The following ERBB4 variants were observed in gnomAD, a reference collection of about 807,000 sequenced individuals.
ERBB4 encodes receptor tyrosine-protein kinase erbB-4.
In ERBB4, 42 loss-of-function variants were observed where a neutral mutation model predicts 158.0. That is an observed-to-expected ratio of 0.27 (90% confidence interval 0.21 to 0.34). The LOEUF (loss-of-function observed/expected upper bound fraction) is 0.34. ERBB4 is among the 10% of genes least tolerant of loss of function. The pLI is 1.00. For missense variants in ERBB4, 1,333 were observed against 1,624.1 expected, an observed-to-expected ratio of 0.82 and a Z score of 3.08; for synonymous variants, 583 against 558.7, an observed-to-expected ratio of 1.04 and a Z score of -0.61.
At chr2:212,068,985 C>T (rs978220428) in intron 2 of ERBB4, among the ~76,000 whole-genome samples, 1 of 152,090 alleles carries the variant, frequency 6.6e-6, no homozygotes, top group Non-Finnish European at 1.5e-5. Flanking sequence ...CATACATGCT[C>T]TCTTGCCTGC....
At chr2:212,277,176 TG>T (rs1318922471) in intron 1 of ERBB4, among the ~76,000 whole-genome samples, 2 of 151,738 alleles carry the variant, frequency 1.3e-5, no homozygotes, top group Admixed American at 1.3e-4. Flanking sequence ...TTAAGGGCAG[TG>T]GGCTGCGATA....
At chr2:212,534,876 A>T (rs1692957850) in intron 1 of ERBB4, among the ~76,000 whole-genome samples, 1 of 152,200 alleles carries the variant, frequency 6.6e-6, no homozygotes, top group Non-Finnish European at 1.5e-5. Context: ...AGCCAATGCA[A>T]ACTTACTGTG....
intron 5 of ERBB4, among the ~76,000 whole-genome samples, chr2:211,746,804 T>C (rs1348178537): frequency 7.4e-6 from 1 of 135,996 alleles, no homozygotes; most frequent in Non-Finnish European, 1.5e-5. Context: ...CACTCCAGCC[T>C]GGGTGACAGA....
intron 3 of ERBB4, among the ~76,000 whole-genome samples, chr2:211,831,224 T>A (rs2077211634): frequency 6.6e-6 from 1 of 152,132 alleles, no homozygotes; most frequent in South Asian, 2.1e-4. Context: ...TTTCAAAATT[T>A]CAGAGTTAAG....
chr2:211,886,438 G>A (rs1200581546), intron 3 of ERBB4, among the ~76,000 whole-genome samples: 1 of 152,114 alleles, frequency 6.6e-6, no homozygotes, highest in Non-Finnish European at 1.5e-5. Flanking sequence ...AAATAAAAAT[G>A]AAAGAAGGAT....
Position 211,485,875 on chromosome 2 carries a change from GAAAT to G in ERBB4, c.2488-54779_2488-54776del, listed in dbSNP as rs538905240. On this transcript the variant is annotated intron_variant, in intron 20 of 27. Transcript: ENST00000342788. ...GTATAATAAAAAAAGAAAAAGAAAAGAAATAAAAGGCATTACAGAAATCGTCAGG... is the reference window on the plus strand; with the variant it reads ...GTATAATAAAAAAAGAAAAAGAAAAGAAAAGGCATTACAGAAATCGTCAGG... Among the ~76,000 whole-genome samples, 388 of 151,896 alleles carry G rather than the reference GAAAT, an allele frequency of 2.6e-3. 1 individual carries two copies. Among genetic ancestry groups the G allele is most frequent in the Non-Finnish European group, 4.5e-3 (304 of 67,942 alleles).
chr2:212,188,238 CCCCCTCTCA>C (rs2082082785), intron 1 of ERBB4, among the ~76,000 whole-genome samples: 1 of 40,382 alleles, frequency 2.5e-5, no homozygotes, highest in Admixed American at 2.9e-4. Context: ...CTCTCTCCCC[CCCCCTCTCA>C]CCCCCTCCCT....
At position 212,371,394 on chromosome 2, in the gene ERBB4, A is replaced by T. The variant is rs148116876; in HGVS notation, c.82+167055T>A. Among the ~76,000 whole-genome samples the T allele has an allele frequency of 4.1e-3, 620 of 152,352 alleles. 2 individuals are homozygous for T. The highest frequency in any genetic ancestry group is 0.02 in the Middle Eastern group (6 of 294). ...GCAATTCAGTTTCTTTACAATGTCAAATACATGCCATGCTCAAAAGAGAGG... is the reference window on the plus strand; with the variant it reads ...GCAATTCAGTTTCTTTACAATGTCATATACATGCCATGCTCAAAAGAGAGG... On this transcript the variant is annotated intron_variant, in intron 1 of 27. Coordinates refer to ENST00000342788, the MANE Select transcript of ERBB4 (RefSeq NM_005235.3).
At chr2:211,940,642 T>C (rs1032392546) in intron 3 of ERBB4, among the ~76,000 whole-genome samples, 3 of 151,724 alleles carry the variant, frequency 2.0e-5, no homozygotes, top group South Asian at 2.1e-4. Flanking sequence ...TTAAGATTCC[T>C]GAAGGGGTCA....
chr2:211,591,941 G>T (rs1214165406), intron 19 of ERBB4, among the ~76,000 whole-genome samples: 2 of 152,190 alleles, frequency 1.3e-5, no homozygotes, highest in African/African-American at 2.4e-5. Context: ...GCGAGTTAGA[G>T]AAAACGCCAC....
intron 7 of ERBB4, 147 bp from the exon 8 acceptor site, chr2:211,713,795 T>C (rs1283341989): frequency 4.7e-6 from 3 of 633,114 alleles, no homozygotes; most frequent in African/African-American, 1.8e-5. Context: ...TTTGTTTAAA[T>C]ATCTCAACCT....
chr2:211,983,306 T>G (rs2081854728), intron 2 of ERBB4, among the ~76,000 whole-genome samples: 2 of 152,120 alleles, frequency 1.3e-5, no homozygotes, highest in Admixed American at 1.3e-4. Context: ...GGTATTGTTG[T>G]TAGATAAAGG....
At chr2:212,336,232 T>A (rs2088437242) in intron 1 of ERBB4, among the ~76,000 whole-genome samples, 1 of 152,056 alleles carries the variant, frequency 6.6e-6, no homozygotes, top group Non-Finnish European at 1.5e-5. Flanking sequence ...ATTGAGGACT[T>A]GACTTGGTTT....
At chr2:212,360,589 C>T (rs1360715914) in intron 1 of ERBB4, among the ~76,000 whole-genome samples, 3 of 151,482 alleles carry the variant, frequency 2.0e-5, no homozygotes, top group African/African-American at 4.8e-5. Flanking sequence ...GTAAATGCTG[C>T]TAAATGACCA....
At chr2:212,434,404 A>T (rs990075931) in intron 1 of ERBB4, among the ~76,000 whole-genome samples, 1 of 151,946 alleles carries the variant, frequency 6.6e-6, no homozygotes, top group African/African-American at 2.4e-5. Flanking sequence ...TTAAAACATT[A>T]TGTAAAATTG....
chr2:211,446,779 T>A (rs1574504648), intron 20 of ERBB4, among the ~76,000 whole-genome samples: 1 of 149,834 alleles, frequency 6.7e-6, no homozygotes, highest in Non-Finnish European at 1.5e-5. Context: ...AGGTTTTTTT[T>A]AAAGCAAACT....
intron 1 of ERBB4, among the ~76,000 whole-genome samples, chr2:212,418,421 G>A (rs2091710324): frequency 6.6e-6 from 1 of 151,592 alleles, no homozygotes; most frequent in East Asian, 1.9e-4. Flanking sequence ...ATTGCTTAGA[G>A]TAATCCAAAA....
At chr2:211,925,929 C>A (rs13414897) in intron 3 of ERBB4, among the ~76,000 whole-genome samples, 1 of 152,036 alleles carries the variant, frequency 6.6e-6, no homozygotes, top group Non-Finnish European at 1.5e-5. Flanking sequence ...ACTCTACTCC[C>A]TTGCCCCAAT....
chr2:211,789,271 G>A (rs969660854), intron 3 of ERBB4, among the ~76,000 whole-genome samples: 1 of 152,090 alleles, frequency 6.6e-6, no homozygotes, highest in African/African-American at 2.4e-5. Context: ...ACAGTTTATA[G>A]AGATAGGGGA....
Sources: gnomAD v4.1 joint callset for allele counts (sites outside exome capture counted in the v4.1 genomes callset) on GRCh38, gnomAD v4.1.1 for gene constraint, MANE v1.5 for transcripts, NCBI Gene and HGNC (gene_info 2026-07-23, HGNC 2026-07-21) for gene names.